The following WDHD1 variants were observed in gnomAD, a reference collection of about 807,000 sequenced individuals.
The protein encoded by WDHD1 is WD repeat and HMG-box DNA-binding protein 1.
A neutral mutation model predicts 135.4 loss-of-function variants in WDHD1; 111 were observed. That is an observed-to-expected ratio of 0.82 (90% confidence interval 0.70 to 0.96). The LOEUF is 0.96. Among genes scored for constraint, WDHD1 ranks in the 40% least tolerant of loss-of-function variants. WDHD1 has a pLI of 0.00. For missense variants in WDHD1, 1,351 were observed against 1,336.3 expected (o/e 1.01, Z -0.17); for synonymous variants, 434 against 439.0 (o/e 0.99, Z 0.14).
chr14:54,941,884 T>C (rs1402323728), intron 25 of WDHD1, among the ~76,000 whole-genome samples, 194 bp from the exon 26 acceptor site: 2 of 152,230 alleles, frequency 1.3e-5, no homozygotes, highest in Non-Finnish European at 2.9e-5. Flanking sequence ...ACACTACTTT[T>C]ATATCTCAAT....
intron 21 of WDHD1, among the ~76,000 whole-genome samples, chr14:54,959,423 A>AGAAG (rs1176692412): frequency 7.8e-6 from 1 of 128,662 alleles, no homozygotes; most frequent in Non-Finnish European, 1.6e-5. Context: ...GAGGGAGGGA[A>AGAAG]GAAGGAAGGG....
chr14:55,009,218 G>A (rs2042123668), intron 4 of WDHD1, among the ~76,000 whole-genome samples: 1 of 152,130 alleles, frequency 6.6e-6, no homozygotes, highest in Non-Finnish European at 1.5e-5. Context: ...TTCCCATTAT[G>A]CTAAAATACA....
At chr14:54,959,393 C>T (rs904238284) in intron 21 of WDHD1, among the ~76,000 whole-genome samples, 5 of 55,026 alleles carry the variant, frequency 9.1e-5, no homozygotes, top group East Asian at 4.7e-4. Context: ...CACACCCTGG[C>T]GGGGGGAAGA....
At position 54,996,848 on chromosome 14, in the gene WDHD1, G is replaced by A. The variant is rs181383315; in HGVS notation, c.943-1035C>T. Among the ~76,000 whole-genome samples, 153 of 152,186 alleles carry A rather than the reference G, an allele frequency of 1.0e-3. 1 individual carries two copies. The highest frequency in any genetic ancestry group is 2.4e-3 in the Admixed American group (37 of 15,294). On this transcript the variant is annotated intron_variant, in intron 10 of 25. Coordinates refer to ENST00000360586, the MANE Select transcript of WDHD1 (RefSeq NM_007086.4). ...CGCTCTGTCGCCAGGCTGGAGTGCA[G>A]TGGCGTGATCTCGGCTCACTGCAAC... is the stretch of plus-strand genomic sequence containing the variant.
In WDHD1 at chr14:55,019,878, G is replaced by T. The variant is rs114263040; in HGVS notation, c.78-6282C>A. ...AGCTAGACTCCATCTCAACAAAAAA[G>T]AAATCCGCTATCAGTGTCTGGGCAT... On this transcript the variant is annotated intron_variant, in intron 2 of 25. Transcript: ENST00000360586. Among the ~76,000 whole-genome samples, 1,295 of 152,222 alleles carry T rather than the reference G, an allele frequency of 8.5e-3. 17 individuals carry two copies. Among genetic ancestry groups the T allele is most frequent in the African/African-American group, 0.03 (1,241 of 41,540 alleles).
Position 54,991,354 on chromosome 14 carries a change from C to T in WDHD1, c.1200G>A (p.Glu400=). The T allele has an allele frequency of 6.2e-7, 1 of 1,614,102 alleles. No individual in the cohort carries two copies. The highest frequency in any genetic ancestry group is 8.5e-7 in the Non-Finnish European group (1 of 1,179,992). The change falls in exon 12 of 26, where the codon GAG becomes GAA. Residue 400 remains glutamate (E), a synonymous_variant. Coordinates refer to ENST00000360586, the MANE Select transcript of WDHD1 (RefSeq NM_007086.4). ...KTGSSLLKEE[E]EDGQEGSIHN... ...GAATGCTGCCTTCTTGACCATCTTC[C>T]TCCTCCTCTTTGAGAAGACTAGAAC... is the stretch of plus-strand genomic sequence containing the variant.
intron 2 of WDHD1, among the ~76,000 whole-genome samples, chr14:55,015,688 G>A (rs1199662142): frequency 6.6e-6 from 1 of 151,016 alleles, no homozygotes; most frequent in Non-Finnish European, 1.5e-5. Flanking sequence ...TCACGTTTTT[G>A]TTCCAATGGA....
chr14:54,964,326 A>G (rs2041306114), intron 18 of WDHD1, among the ~76,000 whole-genome samples: 1 of 152,096 alleles, frequency 6.6e-6, no homozygotes, highest in Non-Finnish European at 1.5e-5. Context: ...GGGATGGTAC[A>G]CTGCCTCAGG....
At chr14:54,966,358 A>AAC (rs1566716036) in intron 18 of WDHD1, 117 bp downstream of exon 18, 165 of 1,145,204 alleles carry the variant, frequency 1.4e-4, no homozygotes, top group Admixed American at 1.3e-3. Flanking sequence ...ACAACAACAA[A>AAC]AAAAAACTTA....
chr14:54,976,180 A>G (rs1173934641), intron 16 of WDHD1, among the ~76,000 whole-genome samples: 1 of 152,194 alleles, frequency 6.6e-6, no homozygotes, highest in Non-Finnish European at 1.5e-5. Context: ...TATCACAAAC[A>G]ATGAGAGCAA....
rs552368915 is a variant in WDHD1, at chr14:54,940,089, C to G, written c.*1401G>C. The G allele has an allele frequency of 6.6e-6, 1 of 152,232 alleles. No homozygotes were observed. Among genetic ancestry groups the G allele is most frequent in the East Asian group, 1.9e-4 (1 of 5,182 alleles). The allele number at this position is 152,232 out of a possible 1,614,324, so 9.4% of individuals were successfully genotyped here. On this transcript the variant is annotated 3_prime_UTR_variant, in exon 26 of 26. Transcript: ENST00000360586. ...TCATCATTATCAGAATAGTAACTAA[C>G]ATTTATATAAAAGATTACTATGTGT...
rs1193671700 is a variant in WDHD1 at position 54,981,622 on chromosome 14, T to C, written c.1981A>G (p.Ile661Val). The change falls in exon 16 of 26, where the codon ATA becomes GTA. Residue 661 changes from isoleucine to valine, a missense_variant. Ile to Val is a conservative substitution (Grantham distance 29, BLOSUM62 3). Coordinates refer to ENST00000360586, the MANE Select transcript of WDHD1 (RefSeq NM_007086.4). ...TTGCAGTGCTCTCTTGTATTACATA[T>C]AGGAGTCCACGTATTACCAAGTCCT... ...NRGLGNTWTP[I>V]CNTREHCKGK... is the part of the protein sequence containing the mutation. The C allele has an allele frequency of 1.9e-6, 3 of 1,612,178 alleles. No individual in the cohort carries two copies. The highest frequency in any genetic ancestry group is 1.7e-5 in the Admixed American group (1 of 59,966).
intron 2 of WDHD1, 100 bp downstream of exon 2, chr14:55,026,611 T>C (rs1033616221): frequency 1.7e-6 from 2 of 1,153,622 alleles, no homozygotes; most frequent in Non-Finnish European, 2.6e-6. Context: ...ACATTATTCC[T>C]CTATCCGCAT....
chr14:54,984,287 G>C (rs1197529742), intron 15 of WDHD1, among the ~76,000 whole-genome samples: 5 of 152,172 alleles, frequency 3.3e-5, no homozygotes, highest in African/African-American at 9.7e-5. Flanking sequence ...TTGCGCCTAG[G>C]AGTTTGAGAC....
chr14:55,010,368 A>G lies in WDHD1; in HGVS notation c.282T>C (p.Thr94=). The change falls in exon 4 of 26, where the codon ACT becomes ACC. Residue 94 remains threonine (T), a synonymous_variant. Transcript: ENST00000360586. ...TAAAGACCACATGGTTTGCATTTGT[A>G]GTGAAGCGAGTCAATATACCATCTG... ...GVPDGILTRF[T]TNANHVVFNG... 6.2e-7 allele frequency: 1 copy of G among 1,613,562 alleles called. No homozygotes were observed. Among genetic ancestry groups the G allele is most frequent in the Non-Finnish European group, 8.5e-7 (1 of 1,179,784 alleles).
At chr14:55,017,419 T>C (rs2042279105) in intron 2 of WDHD1, among the ~76,000 whole-genome samples, 1 of 152,082 alleles carries the variant, frequency 6.6e-6, no homozygotes, top group Non-Finnish European at 1.5e-5. Context: ...CTCGGGTCAC[T>C]GCAACCTCCA....
At chr14:54,982,132 G>C (rs1323830412) in intron 15 of WDHD1, among the ~76,000 whole-genome samples, 1 of 151,470 alleles carries the variant, frequency 6.6e-6, no homozygotes, top group Non-Finnish European at 1.5e-5. Flanking sequence ...TCAGCCTCCC[G>C]AGTAGCTGGG....
intron 18 of WDHD1, 139 bp downstream of exon 18, chr14:54,966,336 C>T: frequency 9.8e-7 from 1 of 1,018,966 alleles, no homozygotes; most frequent in South Asian, 2.0e-5. Context: ...CTCCGTCGCA[C>T]AAAAAACAAC....
At chr14:55,014,310 G>A (rs1002375552) in intron 2 of WDHD1, among the ~76,000 whole-genome samples, 6 of 152,158 alleles carry the variant, frequency 3.9e-5, no homozygotes, top group African/African-American at 1.2e-4. Flanking sequence ...GGCTGGTCTT[G>A]AGCTCCTGGG....
Sources: gnomAD v4.1 joint callset for allele counts (sites outside exome capture counted in the v4.1 genomes callset) on GRCh38, gnomAD v4.1.1 for gene constraint, MANE v1.5 for transcripts, NCBI Gene and HGNC (gene_info 2026-07-23, HGNC 2026-07-21) for gene names.